The following SIL1 variants were observed in gnomAD, a reference collection of about 807,000 sequenced individuals.
SIL1 encodes nucleotide exchange factor SIL1.
In SIL1, 40 loss-of-function variants were observed where a neutral mutation model predicts 49.1. The observed-to-expected ratio is 0.81, with a 90% CI of 0.63 to 1.06. SIL1 has a LOEUF of 1.06. SIL1 is among the 50% of genes least tolerant of loss of function. The probability of loss-of-function intolerance (pLI) is 0.00; values close to 1 mark genes in which losing one functional copy is unlikely to be tolerated. For missense variants in SIL1, 500 were observed against 572.6 expected, an observed-to-expected ratio of 0.87 and a Z score of 1.29; for synonymous variants, 253 against 250.8, an observed-to-expected ratio of 1.01 and a Z score of -0.08.
rs3828600 is a variant in SIL1, at chr5:139,051,170, C to A, written c.245-124G>T. 294,688 of 784,414 alleles carry A rather than the reference C, an allele frequency of 0.38. 57,825 individuals are homozygous for A. Among genetic ancestry groups the A allele is most frequent in the African/African-American group, 0.56 (33,056 of 59,196 alleles). 48.6% of individuals were successfully genotyped at this position (784,414 alleles called of 1,614,324 possible). On this transcript the variant is annotated intron_variant, in intron 3 of 9. Transcript: ENST00000394817. ...ACGACTCAGCTGTGTTCAGTTACCT[C>A]CTCAATCCACCCATCCCTCTCCCTT...
At chr5:139,162,025 A>C (rs1449951990) in intron 1 of SIL1, among the ~76,000 whole-genome samples, 3 of 152,062 alleles carry the variant, frequency 2.0e-5, no homozygotes, top group Non-Finnish European at 4.4e-5. Context: ...AAAAAAAAAA[A>C]AATTAGGATT....
chr5:139,133,954 T>G (rs1750920636), intron 1 of SIL1, among the ~76,000 whole-genome samples: 1 of 152,194 alleles, frequency 6.6e-6, no homozygotes. Flanking sequence ...CCTAGCTATG[T>G]GATCTTGGAC....
In SIL1 at chr5:139,139,232, G is replaced by A. The variant is rs191748562; in HGVS notation, c.-10-11379C>T. 4.5e-4 allele frequency among the ~76,000 whole-genome samples: 69 copies of A among 152,260 alleles called. 2 individuals are homozygous for A. The highest frequency in any genetic ancestry group is 1.9e-4 in the East Asian group (1 of 5,184). On this transcript the variant is annotated intron_variant, in intron 1 of 9. Coordinates refer to ENST00000394817, the MANE Select transcript of SIL1 (RefSeq NM_022464.5). ...AACTGGATCTCCTGACAGTATGTGC[G>A]ATGGGCTTTCTCTATAGCCTGCTCC...
intron 7 of SIL1, among the ~76,000 whole-genome samples, chr5:138,996,562 C>T (rs1393390231): frequency 3.4e-5 from 5 of 145,040 alleles, no homozygotes; most frequent in Non-Finnish European, 6.0e-5. Context: ...ACTCTGTCGC[C>T]AGGCTGGAGT....
At position 139,036,822 on chromosome 5, in the gene SIL1, T is replaced by C. The variant is rs1240409739; in HGVS notation, c.453+5798A>G. Among the ~76,000 whole-genome samples the C allele has an allele frequency of 2.0e-5, 3 of 152,164 alleles. No individual in the cohort carries two copies. The East Asian group carries it at 5.8e-4, about 29-fold the overall frequency. ...CACAAGTTTATCTATATAACAAACC[T>C]GAACATGTACCCCTGAACTTAAAAG... On this transcript the variant is annotated intron_variant, in intron 5 of 9. Coordinates refer to ENST00000394817, the MANE Select transcript of SIL1 (RefSeq NM_022464.5).
chr5:139,183,979 G>A (rs1026690854), intron 1 of SIL1, among the ~76,000 whole-genome samples: 9 of 152,138 alleles, frequency 5.9e-5, no homozygotes, highest in Non-Finnish European at 1.0e-4. Flanking sequence ...ATAACTCTCC[G>A]CAAAGAATAG....
chr5:139,143,344 C>CAT lies in SIL1; in HGVS notation c.-10-15493_-10-15492dup, dbSNP rs1314250793. Among the ~76,000 whole-genome samples, 665 of 97,454 alleles carry CAT rather than the reference C, an allele frequency of 6.8e-3. 8 individuals carry two copies. Among genetic ancestry groups the CAT allele is most frequent in the East Asian group, 0.019 (71 of 3,824 alleles). The allele number at this position is 97,454 out of a possible 152,430, so 63.9% of individuals were successfully genotyped here. Reference sequence around the variant, plus strand: ...ACACACACACACACACACACACACACATATATATATATATATATATATGGT... The same window carrying CAT: ...ACACACACACACACACACACACACACATATATATATATATATATATATATGGT... On this transcript the variant is annotated intron_variant, in intron 1 of 9. Transcript: ENST00000394817.
At chr5:139,192,262 C>A (rs1647880677) in intron 1 of SIL1, among the ~76,000 whole-genome samples, 2 of 151,676 alleles carry the variant, frequency 1.3e-5, no homozygotes, top group African/African-American at 4.8e-5. Flanking sequence ...TAGCTTTCCT[C>A]ACCAGAACTT....
chr5:139,143,306 TACAC>T (rs752710937), intron 1 of SIL1, among the ~76,000 whole-genome samples: 2,269 of 123,554 alleles, frequency 0.018, 47 homozygotes, highest in East Asian at 0.12. Context: ...TATACATATA[TACAC>T]ACACACACAC....
At chr5:139,174,497 G>C (rs1264027590) in intron 1 of SIL1, among the ~76,000 whole-genome samples, 2 of 151,924 alleles carry the variant, frequency 1.3e-5, no homozygotes, top group African/African-American at 4.8e-5. Context: ...GAAAAAGAGA[G>C]AGAGGACTCA....
intron 1 of SIL1, among the ~76,000 whole-genome samples, chr5:139,159,105 GA>G (rs1482392322): frequency 1.5e-4 from 22 of 149,052 alleles, no homozygotes; most frequent in South Asian, 4.2e-4. Flanking sequence ...GAGAGAGAGG[GA>G]AAAAAAAAAA....
At chr5:139,059,521 C>CAT (rs1769537952) in intron 3 of SIL1, among the ~76,000 whole-genome samples, 1 of 152,144 alleles carries the variant, frequency 6.6e-6, no homozygotes, top group Admixed American at 6.5e-5. Flanking sequence ...ACCACATATA[C>CAT]ATATATGATT....
intron 1 of SIL1, among the ~76,000 whole-genome samples, chr5:139,139,099 G>A (rs6866496): frequency 0.045 from 6,799 of 152,234 alleles, 362 homozygotes; most frequent in African/African-American, 0.12. Context: ...AGGAACAGCC[G>A]GGGCAAATGC....
chr5:139,072,343 G>A (rs1365311238), intron 3 of SIL1, among the ~76,000 whole-genome samples: 1 of 152,146 alleles, frequency 6.6e-6, no homozygotes, highest in Non-Finnish European at 1.5e-5. Context: ...AAATAGAGAT[G>A]AATTCAACGA....
intron 1 of SIL1, among the ~76,000 whole-genome samples, chr5:139,173,793 A>G (rs1040321915): frequency 7.3e-6 from 1 of 136,330 alleles, no homozygotes; most frequent in African/African-American, 3.0e-5. Flanking sequence ...AAAAATACAA[A>G]AAAAAAAAAA....
At position 139,132,134 on chromosome 5, in the gene SIL1, G is replaced by A. The variant is rs576108432; in HGVS notation, c.-10-4281C>T. ...GGGATCAACAACGAAACTGGTGCTG[G>A]GGAAAAAGAAGAGGAGGAAGAGCTA... is the stretch of plus-strand genomic sequence containing the variant. On this transcript the variant is annotated intron_variant, in intron 1 of 9. Transcript: ENST00000394817. Among the ~76,000 whole-genome samples the A allele has an allele frequency of 2.0e-5, 3 of 152,230 alleles. No individual in the cohort carries two copies. In the South Asian group the frequency reaches 6.2e-4, roughly 32 times the overall value.
chr5:139,093,100 A>G (rs11744972), intron 3 of SIL1, among the ~76,000 whole-genome samples: 48,541 of 152,036 alleles, frequency 0.32, 7,820 homozygotes, highest in Middle Eastern at 0.42. Flanking sequence ...AGTCCAGCCC[A>G]GGCAACATAG....
At chr5:138,950,702 A>G (rs1278912845) in intron 9 of SIL1, among the ~76,000 whole-genome samples, 1 of 152,166 alleles carries the variant, frequency 6.6e-6, no homozygotes, top group Non-Finnish European at 1.5e-5. Flanking sequence ...CCAAGTGGCA[A>G]GCAATTGGGT....
intron 3 of SIL1, among the ~76,000 whole-genome samples, chr5:139,071,025 T>A (rs1000973188): frequency 2.6e-5 from 4 of 152,188 alleles, no homozygotes; most frequent in African/African-American, 9.7e-5. Flanking sequence ...AAACTGCCTA[T>A]AGTTTTCCCA....
Sources: gnomAD v4.1 joint callset for allele counts (sites outside exome capture counted in the v4.1 genomes callset) on GRCh38, gnomAD v4.1.1 for gene constraint, MANE v1.5 for transcripts, NCBI Gene and HGNC (gene_info 2026-07-23, HGNC 2026-07-21) for gene names.